USP24: variants seen among roughly 807,000 people sequenced by gnomAD.
The protein encoded by USP24 is ubiquitin specific peptidase 24.
Under a neutral mutation model 361.6 loss-of-function variants are expected in USP24, and 97 were observed. That is an observed-to-expected ratio of 0.27 (90% CI 0.23 to 0.32). The LOEUF is 0.32. USP24 is among the 10% of genes least tolerant of loss of function. The probability of loss-of-function intolerance (pLI) is 1.00; values close to 1 mark genes in which losing one functional copy is unlikely to be tolerated. For missense variants in USP24, 2,353 were observed against 3,165.6 expected (o/e 0.74, Z 6.16); for synonymous variants, 1,098 against 1,124.6 (o/e 0.98, Z 0.47).
chr1:55,190,341 C>G (rs1644254016), intron 1 of USP24, among the ~76,000 whole-genome samples: 1 of 152,052 alleles, frequency 6.6e-6, no homozygotes, highest in Admixed American at 6.6e-5. Context: ...CAGGAGTGTG[C>G]TGCAAACACA....
At chr1:55,182,927 C>T (rs1292355621) in intron 1 of USP24, among the ~76,000 whole-genome samples, 1 of 152,114 alleles carries the variant, frequency 6.6e-6, no homozygotes, top group Non-Finnish European at 1.5e-5. Context: ...CCATGTTGGT[C>T]AGGCTGGTCT....
chr1:55,195,959 G>C, intron 1 of USP24, among the ~76,000 whole-genome samples: 1 of 152,050 alleles, frequency 6.6e-6, no homozygotes, highest in East Asian at 1.9e-4. Flanking sequence ...TTTTACCAGA[G>C]TTAAGAAAAA....
intron 1 of USP24, among the ~76,000 whole-genome samples, chr1:55,191,807 G>C (rs896688779): frequency 2.6e-5 from 4 of 151,906 alleles, no homozygotes; most frequent in African/African-American, 9.7e-5. Flanking sequence ...TTTAATTGTT[G>C]CAACTGAAGT....
intron 67 of USP24, 23 bp from the exon 68 acceptor site, chr1:55,069,130 A>C: frequency 6.2e-7 from 1 of 1,613,744 alleles, no homozygotes; most frequent in South Asian, 1.1e-5. Context: ...AAAGGAAGTT[A>C]AAGTTCATAC....
At chr1:55,154,503 T>C (rs1218785396) in intron 13 of USP24, 37 bp from the exon 14 acceptor site, 1 of 1,539,414 alleles carries the variant, frequency 6.5e-7, no homozygotes, top group Non-Finnish European at 8.8e-7. Flanking sequence ...TGCTTCACGA[T>C]CAAACTGGCA....
chr1:55,134,522 C>G, intron 28 of USP24, 109 bp from the exon 29 acceptor site: 1 of 957,704 alleles, frequency 1.0e-6, no homozygotes. Flanking sequence ...TGGCTGGTCA[C>G]TGTAAAGCTT....
chr1:55,090,073 T>C (rs1179093), intron 54 of USP24, among the ~76,000 whole-genome samples: 131,987 of 152,220 alleles, frequency 0.87, 57,308 homozygotes, highest in East Asian at 1. Context: ...GCCTGAACTA[T>C]AGCATTTTTT....
At position 55,159,612 on chromosome 1, in the gene USP24, T is replaced by G. The variant is rs528017784; in HGVS notation, c.1067A>C (p.Lys356Thr). Residue 356 changes from lysine (K) to threonine (T), a missense_variant and splice_region_variant, in exon 9 of 68, where the codon AAG (lysine) becomes ACG (threonine). Transcript: ENST00000294383. ...RSVEEKDLKD[K>T]RLVSIPELLS... ...TATCTGGCTGGAGAAGGCATTTACC[T>G]TGTCTTTGAGGTCTTTCTCTTCTAC... The G allele has an allele frequency of 2.6e-6, 4 of 1,558,736 alleles. No homozygotes were observed. In the South Asian group the frequency reaches 4.7e-5, roughly 18 times the overall value.
At chr1:55,111,502 T>C (rs932850107) in intron 38 of USP24, among the ~76,000 whole-genome samples, 6 of 152,122 alleles carry the variant, frequency 3.9e-5, no homozygotes, top group Admixed American at 6.5e-5. Flanking sequence ...ATCATTGGTC[T>C]TTCAAATAAA....
chr1:55,114,958 A>C (rs1249754529), intron 38 of USP24, among the ~76,000 whole-genome samples: 1 of 152,222 alleles, frequency 6.6e-6, no homozygotes, highest in African/African-American at 2.4e-5. Context: ...GTGAACAGGC[A>C]ACCTATAGAA....
At chr1:55,120,438 T>C (rs1409249014) in intron 38 of USP24, among the ~76,000 whole-genome samples, 158 bp downstream of exon 38, 1 of 152,112 alleles carries the variant, frequency 6.6e-6, no homozygotes, top group Non-Finnish European at 1.5e-5. Context: ...TTCTTCTAAC[T>C]CTCCTATCCA....
At chr1:55,149,516 T>C (rs1570547565) in intron 16 of USP24, among the ~76,000 whole-genome samples, 1 of 152,316 alleles carries the variant, frequency 6.6e-6, no homozygotes, top group South Asian at 2.1e-4. Context: ...AATATGTAAA[T>C]GTGAGCAAGT....
intron 40 of USP24, among the ~76,000 whole-genome samples, chr1:55,106,502 C>T (rs1645777649): frequency 6.6e-6 from 1 of 152,126 alleles, no homozygotes; most frequent in African/African-American, 2.4e-5. Flanking sequence ...TATGGGCTTA[C>T]AATACAGTGA....
intron 12 of USP24, among the ~76,000 whole-genome samples, chr1:55,156,518 G>C (rs1570567540): frequency 6.6e-6 from 1 of 152,062 alleles, no homozygotes. Flanking sequence ...GACTATGTTG[G>C]ATTCTGTCAC....
intron 1 of USP24, among the ~76,000 whole-genome samples, chr1:55,208,364 A>C (rs1355659707): frequency 6.6e-6 from 1 of 152,206 alleles, no homozygotes; most frequent in Non-Finnish European, 1.5e-5. Flanking sequence ...GCGGAGGCTC[A>C]CACCTGTAAT....
intron 43 of USP24, among the ~76,000 whole-genome samples, chr1:55,101,271 T>G (rs1029658893): frequency 6.6e-6 from 1 of 152,208 alleles, no homozygotes; most frequent in Non-Finnish European, 1.5e-5. Context: ...AAAGTGCTCA[T>G]GGTAGACCCT....
chr1:55,117,033 T>C (rs1646135601), intron 38 of USP24, among the ~76,000 whole-genome samples: 1 of 152,162 alleles, frequency 6.6e-6, no homozygotes, highest in South Asian at 2.1e-4. Context: ...GTATGGTCCA[T>C]GGTACGAAAA....
At chr1:55,129,707 T>C (rs1245138891) in intron 31 of USP24, 133 bp from the exon 32 acceptor site, 9 of 604,624 alleles carry the variant, frequency 1.5e-5, no homozygotes, top group Non-Finnish European at 2.3e-5. Flanking sequence ...CCCAGAAATA[T>C]GTAGAAGCTG....
At chr1:55,195,374 G>A (rs952108156) in intron 1 of USP24, among the ~76,000 whole-genome samples, 4 of 152,050 alleles carry the variant, frequency 2.6e-5, no homozygotes, top group South Asian at 2.1e-4. Flanking sequence ...CAAAATTTTC[G>A]AGCGTTGAGA....
Sources: gnomAD v4.1 joint callset for allele counts (sites outside exome capture counted in the v4.1 genomes callset) on GRCh38, gnomAD v4.1.1 for gene constraint, MANE v1.5 for transcripts, NCBI Gene and HGNC (gene_info 2026-07-23, HGNC 2026-07-21) for gene names.